The following HNF4G variants were observed in gnomAD, a reference collection of about 807,000 sequenced individuals.
HNF4G encodes the protein hepatocyte nuclear factor 4-gamma.
In HNF4G, 21 loss-of-function variants were observed where a neutral mutation model predicts 50.9. That is an observed-to-expected ratio of 0.41 (90% CI 0.29 to 0.59). HNF4G has a LOEUF of 0.59. Among genes scored for constraint, HNF4G ranks in the 20% least tolerant of loss-of-function variants. The pLI is 0.26. For synonymous variants in HNF4G, 198 were observed against 185.6 expected, an observed-to-expected ratio of 1.07 and a Z score of -0.54; for missense variants, 527 against 559.4, an observed-to-expected ratio of 0.94 and a Z score of 0.58.
At chr8:75,492,347 A>G (rs558657336) in intron 2 of HNF4G, among the ~76,000 whole-genome samples, 6 of 152,302 alleles carry the variant, frequency 3.9e-5, no homozygotes, top group African/African-American at 1.4e-4. Context: ...ATAACTGTTT[A>G]ATGTAAAACT....
At chr8:75,513,824 A>G (rs1805817613) in intron 2 of HNF4G, among the ~76,000 whole-genome samples, 1 of 151,546 alleles carries the variant, frequency 6.6e-6, no homozygotes, top group East Asian at 1.9e-4. Flanking sequence ...ACTTTTTATT[A>G]TATTTTTTAT....
chr8:75,418,538 T>G (rs16939069), intron 1 of HNF4G, among the ~76,000 whole-genome samples: 2,397 of 152,232 alleles, frequency 0.016, 48 homozygotes, highest in Admixed American at 0.034. Context: ...TCCTCTCTCC[T>G]AACAGTCATA....
chr8:75,428,039 C>T (rs73688882), intron 1 of HNF4G, among the ~76,000 whole-genome samples: 1 of 152,156 alleles, frequency 6.6e-6, no homozygotes, highest in East Asian at 1.9e-4. Flanking sequence ...TAAAACATTG[C>T]TTTATATACT....
intron 1 of HNF4G, among the ~76,000 whole-genome samples, chr8:75,425,298 GATC>G (rs1810867771): frequency 1.3e-5 from 2 of 151,580 alleles, no homozygotes; most frequent in South Asian, 4.2e-4. Flanking sequence ...GAGCGAAGCT[GATC>G]TTGAGCTCCC....
chr8:75,507,591 A>C (rs1166820113), intron 2 of HNF4G, among the ~76,000 whole-genome samples: 1 of 152,194 alleles, frequency 6.6e-6, no homozygotes, highest in Non-Finnish European at 1.5e-5. Flanking sequence ...ATAAATTTTA[A>C]AGTTTACTAT....
At chr8:75,500,222 A>G (rs1812891020) in intron 2 of HNF4G, among the ~76,000 whole-genome samples, 1 of 152,164 alleles carries the variant, frequency 6.6e-6, no homozygotes, top group African/African-American at 2.4e-5. Flanking sequence ...ATTTGAATAG[A>G]TGTTACTTTA....
At chr8:75,519,738 T>C (rs1454247259) in intron 2 of HNF4G, among the ~76,000 whole-genome samples, 4 of 152,186 alleles carry the variant, frequency 2.6e-5, no homozygotes, top group African/African-American at 9.6e-5. Flanking sequence ...AGCCAAACCA[T>C]ATAAATGATA....
chr8:75,556,118 T>G lies in HNF4G; in HGVS notation c.733+49T>G, dbSNP rs1807115790. On this transcript the variant is annotated intron_variant, in intron 6 of 9. Coordinates refer to ENST00000396423, the MANE Select transcript of HNF4G (RefSeq NM_004133.5). ...AGAAGAAATTATGCATATTTTATTCTTGCAATATTATACAGGGTCTGTTCT... is the reference window on the plus strand; with the variant it reads ...AGAAGAAATTATGCATATTTTATTCGTGCAATATTATACAGGGTCTGTTCT... The G allele has an allele frequency of 5.8e-6, 6 of 1,033,312 alleles. No homozygotes were observed. In the East Asian group the frequency reaches 1.5e-4, roughly 26 times the overall value. 64.0% of individuals were successfully genotyped at this position (1,033,312 alleles called of 1,614,324 possible).
In HNF4G at chr8:75,513,665, T is replaced by C. The variant is rs192201062; in HGVS notation, c.-24+23457T>C. 1.2e-3 allele frequency among the ~76,000 whole-genome samples: 184 copies of C among 152,232 alleles called. 1 individual carries two copies. The highest frequency in any genetic ancestry group is 4.3e-3 in the African/African-American group (178 of 41,584). On this transcript the variant is annotated intron_variant, in intron 2 of 10. Transcript: ENST00000354370. ...CTATTGTGTTATTTTTCCCTGTTGC[T>C]TGTTTTCTGACTTTTTAAATTGTAC...
At chr8:75,547,498 A>G (rs1053505827) in intron 2 of HNF4G, 89 bp from the exon 3 acceptor site, 38 of 931,538 alleles carry the variant, frequency 4.1e-5, no homozygotes, top group Non-Finnish European at 1.7e-5. Context: ...ACCGAATTTG[A>G]CAATACATAT....
upstream of HNF4G, among the ~76,000 whole-genome samples, chr8:75,536,360 T>G (rs895380545): frequency 1.3e-5 from 2 of 152,036 alleles, no homozygotes; most frequent in Non-Finnish European, 2.9e-5. Context: ...ACTCATAAAT[T>G]TCTGTTGAAT....
chr8:75,407,928 G>A (rs1810401546), upstream of HNF4G: 1 of 152,116 alleles, frequency 6.6e-6, no homozygotes, highest in Non-Finnish European at 1.5e-5. Flanking sequence ...CCGCGCGGCT[G>A]ACTGCGACTC....
At chr8:75,422,823 A>T (rs1279725391) in intron 1 of HNF4G, among the ~76,000 whole-genome samples, 2 of 152,068 alleles carry the variant, frequency 1.3e-5, no homozygotes, top group African/African-American at 4.8e-5. Flanking sequence ...TTCACTAGAG[A>T]CGGGGTTTCA....
At chr8:75,408,414 C>A (rs1810415544) in intron 1 of HNF4G, among the ~76,000 whole-genome samples, 1 of 152,056 alleles carries the variant, frequency 6.6e-6, no homozygotes, top group African/African-American at 2.4e-5. Context: ...TTCGTGGACC[C>A]TGGAGGTCTG....
intron 8 of HNF4G, 141 bp from the exon 9 acceptor site, chr8:75,560,203 C>A: frequency 1.4e-6 from 1 of 709,098 alleles, no homozygotes; most frequent in Non-Finnish European, 2.4e-6. Context: ...GCCAGTGGTT[C>A]TGTCAATTTA....
At chr8:75,456,199 C>G (rs1811718989) in intron 1 of HNF4G, among the ~76,000 whole-genome samples, 1 of 151,842 alleles carries the variant, frequency 6.6e-6, no homozygotes, top group East Asian at 1.9e-4. Context: ...AAGATCTTTA[C>G]AGGGTAGTGC....
chr8:75,411,350 A>T (rs1460969189), intron 1 of HNF4G, among the ~76,000 whole-genome samples: 1 of 152,350 alleles, frequency 6.6e-6, no homozygotes, highest in Non-Finnish European at 1.5e-5. Context: ...TATCTGTAAG[A>T]GGTATCAGCA....
intron 1 of HNF4G, among the ~76,000 whole-genome samples, chr8:75,422,789 A>G (rs2130493954): frequency 1.3e-5 from 2 of 152,150 alleles, no homozygotes; most frequent in East Asian, 3.9e-4. Flanking sequence ...GCCCGCCACC[A>G]TGCCCCGCTA....
At chr8:75,457,183 C>G (rs186227124) in intron 1 of HNF4G, among the ~76,000 whole-genome samples, 7 of 152,294 alleles carry the variant, frequency 4.6e-5, no homozygotes, top group Admixed American at 3.9e-4. Context: ...TTTATTATAG[C>G]TGTAGACTTT....
Sources: gnomAD v4.1 joint callset for allele counts (sites outside exome capture counted in the v4.1 genomes callset) on GRCh38, gnomAD v4.1.1 for gene constraint, MANE v1.5 for transcripts, NCBI Gene and HGNC (gene_info 2026-07-23, HGNC 2026-07-21) for gene names.